Variants in PRPSAP2 observed in about 807,000 individuals in gnomAD.
PRPSAP2 encodes phosphoribosyl pyrophosphate synthetase associated protein 2.
PRPSAP2 carries 24 observed loss-of-function variants against 40.6 expected under a neutral mutation model. The observed-to-expected ratio is 0.59, with a 90% CI of 0.43 to 0.83. The LOEUF is 0.83. Among genes scored for constraint, PRPSAP2 ranks in the 40% least tolerant of loss-of-function variants. The pLI is 0.00. For synonymous variants in PRPSAP2, 149 were observed against 164.7 expected (o/e 0.90, Z 0.73); for missense variants, 292 against 465.6 (o/e 0.63, Z 3.43).
chr17:18,925,901 C>A (rs923190798), intron 10 of PRPSAP2, among the ~76,000 whole-genome samples: 1 of 152,050 alleles, frequency 6.6e-6, no homozygotes, highest in African/African-American at 2.4e-5. Flanking sequence ...GTCAGGAGAT[C>A]GAGACCATCC....
intron 3 of PRPSAP2, among the ~76,000 whole-genome samples, chr17:18,866,591 AATAACTT>A (rs2037450692): frequency 1.3e-5 from 2 of 152,148 alleles, no homozygotes; most frequent in African/African-American, 4.8e-5. Flanking sequence ...TATTATATGA[AATAACTT>A]ATAGCTTATA....
At position 18,925,119 on chromosome 17, in the gene PRPSAP2, C is replaced by CA. The variant is rs1275223509; in HGVS notation, c.804+1139dup. Among the ~76,000 whole-genome samples the CA allele has an allele frequency of 2.2e-3, 315 of 145,326 alleles. 1 individual carries two copies. The highest frequency in any genetic ancestry group is 2.6e-3 in the African/African-American group (104 of 39,462). On this transcript the variant is annotated intron_variant, in intron 10 of 11. Transcript: ENST00000268835. ...TGGGCGAAAGAGTGAGATTCCATCT[C>CA]AAAAGAAAAAAAAAAAGTAAACTAC... is the stretch of plus-strand genomic sequence containing the variant.
chr17:18,909,417 T>A (rs1390567631), intron 8 of PRPSAP2, among the ~76,000 whole-genome samples: 4 of 151,954 alleles, frequency 2.6e-5, no homozygotes, highest in Non-Finnish European at 5.9e-5. Flanking sequence ...AATTTTTTTG[T>A]ATTTTTTTAG....
Position 18,874,724 on chromosome 17 carries a change from C to G in PRPSAP2, c.239+2075C>G, listed in dbSNP as rs189079640. On this transcript the variant is annotated intron_variant, in intron 5 of 11. Transcript: ENST00000268835. ...GCCAACTGCCCCTGCTGCTGCTGTC[C>G]TCTTTCCCCTTTCCCACGTCTGCCA... Among the ~76,000 whole-genome samples, 147 of 152,340 alleles carry G rather than the reference C, an allele frequency of 9.6e-4. 1 individual carries two copies. Among genetic ancestry groups the G allele is most frequent in the African/African-American group, 3.5e-3 (144 of 41,588 alleles).
intron 8 of PRPSAP2, among the ~76,000 whole-genome samples, chr17:18,909,923 T>C (rs1440228318): frequency 6.6e-6 from 1 of 152,046 alleles, no homozygotes; most frequent in Non-Finnish European, 1.5e-5. Flanking sequence ...AAAGAAAGCA[T>C]GTGCCCATAC....
chr17:18,898,569 A>C (rs2040064985), intron 8 of PRPSAP2, among the ~76,000 whole-genome samples: 1 of 152,172 alleles, frequency 6.6e-6, no homozygotes, highest in African/African-American at 2.4e-5. Flanking sequence ...ATTCTGGAGT[A>C]ACGGTTCTTT....
chr17:18,877,486 C>T (rs781551803), intron 5 of PRPSAP2, among the ~76,000 whole-genome samples: 17 of 152,098 alleles, frequency 1.1e-4, no homozygotes, highest in Non-Finnish European at 2.4e-4. Context: ...TGGACACGCT[C>T]CTCTGAGAGT....
chr17:18,920,399 C>T (rs914741464), intron 9 of PRPSAP2, among the ~76,000 whole-genome samples: 8 of 151,940 alleles, frequency 5.3e-5, no homozygotes, highest in African/African-American at 1.9e-4. Context: ...CTCGTGGGAT[C>T]TTTATGTTTC....
At position 18,897,565 on chromosome 17, in the gene PRPSAP2, G is replaced by A. The variant is rs560594185; in HGVS notation, c.584+7688G>A. ...CAGCCTCCACCTCCCAGGTTCAAGC[G>A]ATTCTCCTGTCTCAGCCTCCTGAGT... On this transcript the variant is annotated intron_variant, in intron 8 of 11. Coordinates refer to ENST00000268835, the MANE Select transcript of PRPSAP2 (RefSeq NM_002767.4). 4.9e-4 allele frequency among the ~76,000 whole-genome samples: 74 copies of A among 152,140 alleles called. 1 individual carries two copies. The highest frequency in any genetic ancestry group is 1.7e-3 in the Admixed American group (26 of 15,246).
chr17:18,890,082 T>C (rs959365473), intron 8 of PRPSAP2, among the ~76,000 whole-genome samples: 2 of 151,992 alleles, frequency 1.3e-5, no homozygotes, highest in Admixed American at 6.6e-5. Flanking sequence ...CCAATCCCAC[T>C]CTATGATTGC....
chr17:18,924,632 G>A (rs1030595401), intron 10 of PRPSAP2, among the ~76,000 whole-genome samples: 4 of 151,894 alleles, frequency 2.6e-5, no homozygotes, highest in African/African-American at 9.7e-5. Context: ...AGCTGAACTT[G>A]GTGGCACATA....
intron 10 of PRPSAP2, 88 bp downstream of exon 10, chr17:18,924,072 C>G (rs2041840156): frequency 7.5e-7 from 1 of 1,333,544 alleles, no homozygotes; most frequent in Admixed American, 1.8e-5. Flanking sequence ...TACAGAGACT[C>G]ACTGTCGCCC....
chr17:18,878,883 T>G, intron 6 of PRPSAP2, among the ~76,000 whole-genome samples: 2 of 151,746 alleles, frequency 1.3e-5, no homozygotes. Context: ...GTTTATTTAT[T>G]TTTTGAGACG....
chr17:18,869,341 C>CTTT (rs545524445), intron 4 of PRPSAP2, among the ~76,000 whole-genome samples: 3 of 140,370 alleles, frequency 2.1e-5, no homozygotes. Context: ...CTTTTCTTTT[C>CTTT]TTTTTTTTTT....
At chr17:18,920,634 A>T (rs955078133) in intron 9 of PRPSAP2, among the ~76,000 whole-genome samples, 1 of 152,202 alleles carries the variant, frequency 6.6e-6, no homozygotes, top group Non-Finnish European at 1.5e-5. Flanking sequence ...AGCATCTCGA[A>T]TATAAAGATT....
chr17:18,857,294 C>G (rs2036642728), upstream of PRPSAP2, among the ~76,000 whole-genome samples: 1 of 151,720 alleles, frequency 6.6e-6, no homozygotes, highest in Admixed American at 6.6e-5. Context: ...GAGATCGCGC[C>G]GATGCACTCT....
rs997117257 is a variant in PRPSAP2, at chr17:18,930,964, C to A, written c.*266C>A. On this transcript the variant is annotated 3_prime_UTR_variant, in exon 12 of 12. Coordinates refer to ENST00000268835, the MANE Select transcript of PRPSAP2 (RefSeq NM_002767.4). ...TTAGTTGTAACTGTTTAAAAAATAA[C>A]ACTTGGAATAAGATTTGTAAGCTCA... 2 of 247,830 alleles carry A rather than the reference C, an allele frequency of 8.1e-6. No individual in the cohort carries two copies. The highest frequency in any genetic ancestry group is 1.5e-5 in the Non-Finnish European group (2 of 130,178). 15.4% of individuals were successfully genotyped at this position (247,830 alleles called of 1,614,324 possible).
chr17:18,926,763 AT>A (rs71369064), intron 10 of PRPSAP2, among the ~76,000 whole-genome samples: 41,299 of 150,446 alleles, frequency 0.27, 5,804 homozygotes, highest in South Asian at 0.4. Context: ...CCAGTTGTGC[AT>A]GTAGTGAGTG....
chr17:18,922,473 C>T (rs1041797182), intron 9 of PRPSAP2, among the ~76,000 whole-genome samples: 5 of 152,024 alleles, frequency 3.3e-5, no homozygotes, highest in Non-Finnish European at 7.4e-5. Context: ...GTAGCCAGCC[C>T]AGTGGGCATA....
Sources: gnomAD v4.1 joint callset for allele counts (sites outside exome capture counted in the v4.1 genomes callset) on GRCh38, gnomAD v4.1.1 for gene constraint, MANE v1.5 for transcripts, NCBI Gene and HGNC (gene_info 2026-07-23, HGNC 2026-07-21) for gene names.